DOCK3: variants seen among roughly 807,000 people sequenced by gnomAD.
The protein encoded by DOCK3 is dedicator of cytokinesis 3, also known as dedicator of cytokinesis protein 3.
In DOCK3, 60 loss-of-function variants were observed where a neutral mutation model predicts 265.6. The ratio of observed to expected loss-of-function variants is 0.23; its 90% CI spans 0.18 to 0.28. The LOEUF (loss-of-function observed/expected upper bound fraction) is 0.28, where lower values mean the gene tolerates loss of function less well. Ranked by LOEUF, DOCK3 falls within the 10% of genes least tolerant of loss-of-function variation. The pLI is 1.00. For missense variants in DOCK3, 1,981 were observed against 2,594.3 expected (o/e 0.76, Z 5.14); for synonymous variants, 881 against 938.0 (o/e 0.94, Z 1.11).
chr3:51,070,400 C>T (rs1353109700), intron 6 of DOCK3, among the ~76,000 whole-genome samples: 2 of 152,144 alleles, frequency 1.3e-5, no homozygotes, highest in Non-Finnish European at 2.9e-5. Flanking sequence ...AACAACCTAG[C>T]TTGAGACAAG....
chr3:51,294,677 C>CAAAAAAAAAAAAAAAAAAAAAAAAAA (rs59339067), intron 27 of DOCK3, among the ~76,000 whole-genome samples: 1 of 119,868 alleles, frequency 8.3e-6, no homozygotes, highest in African/African-American at 3.2e-5. Context: ...GACTCTATCT[C>CAAAAAAAAAAAAAAAAAAAAAAAAAA]AAAAAAAAAA....
In DOCK3 at chr3:51,281,229, G is replaced by T. The variant is rs186588016; in HGVS notation, c.2922+1025G>T. Among the ~76,000 whole-genome samples, 10 of 148,712 alleles carry T rather than the reference G, an allele frequency of 6.7e-5. No homozygotes were observed. The East Asian group carries it at 1.8e-3, about 26-fold the overall frequency. On this transcript the variant is annotated intron_variant, in intron 27 of 52. Transcript: ENST00000266037. ...CACATTGGAAGAAGAATTGTCTTGGGCCACACATTAAATACACTAACACTA... is the reference window on the plus strand; with the variant it reads ...CACATTGGAAGAAGAATTGTCTTGGTCCACACATTAAATACACTAACACTA...
intron 5 of DOCK3, among the ~76,000 whole-genome samples, chr3:50,986,444 T>G (rs1322702278): frequency 6.6e-6 from 1 of 152,208 alleles, no homozygotes; most frequent in Non-Finnish European, 1.5e-5. Flanking sequence ...GTGTGTAGAA[T>G]TCACATGTGA....
At chr3:51,280,492 C>T (rs2081053733) in intron 27 of DOCK3, among the ~76,000 whole-genome samples, 1 of 152,182 alleles carries the variant, frequency 6.6e-6, no homozygotes, top group Admixed American at 6.5e-5. Flanking sequence ...TGTCAGACAA[C>T]CAGGACTCCT....
intron 3 of DOCK3, among the ~76,000 whole-genome samples, chr3:50,845,696 A>G (rs1363432365): frequency 6.6e-6 from 1 of 152,208 alleles, no homozygotes; most frequent in Middle Eastern, 3.2e-3. Context: ...ACTATAAAAT[A>G]GGGTTTATCA....
intron 5 of DOCK3, among the ~76,000 whole-genome samples, chr3:51,019,384 C>G (rs1423315099): frequency 6.6e-5 from 10 of 151,888 alleles, no homozygotes; most frequent in Non-Finnish European, 1.3e-4. Context: ...CCACCTTTGT[C>G]ATAAACCTAG....
chr3:50,844,201 GTTAT>G (rs934029666), intron 3 of DOCK3, among the ~76,000 whole-genome samples: 11 of 152,232 alleles, frequency 7.2e-5, no homozygotes, highest in African/African-American at 1.9e-4. Context: ...AGTGAATATA[GTTAT>G]TTATTTATTT....
chr3:50,814,999 ATTTTTAGTGGAGATGGGG>A (rs2043991966), intron 2 of DOCK3, among the ~76,000 whole-genome samples: 1 of 151,930 alleles, frequency 6.6e-6, no homozygotes, highest in South Asian at 2.1e-4. Flanking sequence ...TACATTTTGT[ATTTTTAGTGGAGATGGGG>A]TTTCACCATG....
At chr3:51,273,815 C>A (rs1490832762) in intron 24 of DOCK3, among the ~76,000 whole-genome samples, 1 of 152,198 alleles carries the variant, frequency 6.6e-6, no homozygotes, top group Non-Finnish European at 1.5e-5. Flanking sequence ...TACTGATAAT[C>A]TGACTAAATC....
chr3:50,752,533 C>T (rs922482809), intron 1 of DOCK3, among the ~76,000 whole-genome samples: 1 of 134,032 alleles, frequency 7.5e-6, no homozygotes, highest in Admixed American at 8.0e-5. Flanking sequence ...ACAAAAACAA[C>T]TGGGAGGCCA....
intron 3 of DOCK3, chr3:50,880,584 T>G (rs6808190): frequency 0.027 from 4,817 of 179,314 alleles, 272 homozygotes; most frequent in African/African-American, 0.11. Flanking sequence ...CAGGAAGAAG[T>G]TGAATCCCCG....
chr3:51,192,918 G>C (rs1184842682), intron 12 of DOCK3, among the ~76,000 whole-genome samples: 5 of 152,054 alleles, frequency 3.3e-5, no homozygotes, highest in African/African-American at 1.2e-4. Flanking sequence ...TTTTTCTCTT[G>C]CCTGATTTCT....
intron 5 of DOCK3, among the ~76,000 whole-genome samples, chr3:51,019,081 T>A (rs1180694842): frequency 3.3e-5 from 5 of 151,884 alleles, no homozygotes; most frequent in Non-Finnish European, 7.3e-5. Context: ...CTTGCTATGT[T>A]GCCTAGGCTG....
rs551320616 is a variant in DOCK3 at position 51,217,857 on chromosome 3, C to G, written c.1252+3610C>G. Among the ~76,000 whole-genome samples the G allele has an allele frequency of 9.8e-5, 15 of 152,324 alleles. No individual in the cohort carries two copies. In the South Asian group the frequency reaches 3.1e-3, roughly 32 times the overall value. ...GTCAGGCCAGGCACAGTGGCTCACA[C>G]CTGTAATCCCAGCACTTTGGGAGGC... is the stretch of plus-strand genomic sequence containing the variant. On this transcript the variant is annotated intron_variant, in intron 14 of 52. Transcript: ENST00000266037.
intron 43 of DOCK3, 52 bp downstream of exon 43, chr3:51,356,545 A>T (rs368160566): frequency 9.3e-5 from 145 of 1,566,578 alleles, no homozygotes; most frequent in Non-Finnish European, 1.0e-4. Flanking sequence ...CATCAGCCCC[A>T]GCTCTGGGGG....
intron 1 of DOCK3, among the ~76,000 whole-genome samples, chr3:50,757,116 G>C (rs2040204232): frequency 6.8e-6 from 1 of 146,846 alleles, no homozygotes; most frequent in African/African-American, 2.5e-5. Flanking sequence ...GCTTCACAAA[G>C]TGTTGGAATT....
Position 51,170,676 on chromosome 3 carries a change from G to A in DOCK3, c.1037+9974G>A, listed in dbSNP as rs188500445. On this transcript the variant is annotated intron_variant, in intron 12 of 52. Coordinates refer to ENST00000266037, the MANE Select transcript of DOCK3 (RefSeq NM_004947.5). ...TAAAGATTTGTCAGCCGGGCGCGGTGGCTCACGCCTGTAATCCCAGCGCTT... is the reference window on the plus strand; with the variant it reads ...TAAAGATTTGTCAGCCGGGCGCGGTAGCTCACGCCTGTAATCCCAGCGCTT... 2.0e-4 allele frequency among the ~76,000 whole-genome samples: 30 copies of A among 152,178 alleles called. No individual in the cohort carries two copies. In the East Asian group the frequency reaches 5.6e-3, roughly 28 times the overall value.
intron 12 of DOCK3, among the ~76,000 whole-genome samples, chr3:51,175,257 GTTATCAGGCCAC>G (rs1463265628): frequency 6.6e-6 from 1 of 152,056 alleles, no homozygotes; most frequent in Non-Finnish European, 1.5e-5. Context: ...CTAGAGGCAG[GTTATCAGGCCAC>G]TTTAAGATCC....
intron 24 of DOCK3, 33 bp from the exon 25 acceptor site, chr3:51,275,046 A>G: frequency 3.1e-6 from 5 of 1,613,586 alleles, no homozygotes; most frequent in Non-Finnish European, 4.2e-6. Flanking sequence ...TTCTCCTCTA[A>G]AGTTTTCTTC....
Sources: gnomAD v4.1 joint callset for allele counts (sites outside exome capture counted in the v4.1 genomes callset) on GRCh38, gnomAD v4.1.1 for gene constraint, MANE v1.5 for transcripts, NCBI Gene and HGNC (gene_info 2026-07-23, HGNC 2026-07-21) for gene names.